HECTD4: variants seen among roughly 807,000 people sequenced by gnomAD.
The protein encoded by HECTD4 is HECT domain E3 ubiquitin protein ligase 4, also known as probable E3 ubiquitin-protein ligase HECTD4.
Under a neutral mutation model 471.5 loss-of-function variants are expected in HECTD4, and 114 were observed. The ratio of observed to expected loss-of-function variants is 0.24; its 90% CI spans 0.21 to 0.28. The LOEUF is 0.28. Ranked by LOEUF, HECTD4 falls within the 10% of genes least tolerant of loss-of-function variation. HECTD4 has a pLI of 1.00. For missense variants in HECTD4, 3,866 were observed against 5,651.5 expected, an observed-to-expected ratio of 0.68 and a Z score of 10.13; for synonymous variants, 2,012 against 2,256.0, an observed-to-expected ratio of 0.89 and a Z score of 3.07.
intron 1 of HECTD4, among the ~76,000 whole-genome samples, chr12:112,360,255 G>A (rs2036425279): frequency 6.6e-6 from 1 of 152,120 alleles, no homozygotes; most frequent in African/African-American, 2.4e-5. Flanking sequence ...GGAGTCTGGG[G>A]CTGCAGTGTG....
rs371389017 is a variant in HECTD4, at chr12:112,163,106, C to T, written c.13056G>A (p.Gly4352=). 3 of 1,613,962 alleles carry T rather than the reference C, an allele frequency of 1.9e-6. No individual in the cohort carries two copies. The East Asian group carries it at 6.7e-5, about 36-fold the overall frequency. The change falls in exon 75 of 76, where the codon GGG becomes GGA. Residue 4352 remains glycine (G), a synonymous_variant. Transcript: ENST00000682272. This position sits in a 1 kb window ranked among gnomAD's most constrained non-coding sequence, Gnocchi z 8.2. ...RIPFTCPCKD[G]GPDTAHVPPY... ...GGGGCACATGGGCAGTGTCGGGACC[C>T]CCATCTTTGCAGGGGCAGGTGAACG... is the stretch of plus-strand genomic sequence containing the variant.
chr12:112,165,561 C>T (rs2030914268), intron 72 of HECTD4, among the ~76,000 whole-genome samples: 1 of 152,028 alleles, frequency 6.6e-6, no homozygotes, highest in African/African-American at 2.4e-5. Context: ...CTGTGTTAGC[C>T]AGGATGGTCT....
chr12:112,260,144 G>A lies in HECTD4; in HGVS notation c.2874-879C>T, dbSNP rs139601242. Among the ~76,000 whole-genome samples, 798 of 151,934 alleles carry A rather than the reference G, an allele frequency of 5.3e-3. 5 individuals are homozygous for A. The highest frequency in any genetic ancestry group is 0.018 in the African/African-American group (748 of 41,408). ...CATTTTCCCCTTGCCCCCAGCCCCCGGCAACCACCATTCTACTTTCTGTCT... is the reference window on the plus strand; with the variant it reads ...CATTTTCCCCTTGCCCCCAGCCCCCAGCAACCACCATTCTACTTTCTGTCT... On this transcript the variant is annotated intron_variant, in intron 18 of 75. Coordinates refer to ENST00000682272, the MANE Select transcript of HECTD4 (RefSeq NM_001388303.1).
chr12:112,332,652 C>T lies in HECTD4; in HGVS notation c.178-12910G>A, dbSNP rs1041207331. On this transcript the variant is annotated intron_variant, in intron 1 of 75. Transcript: ENST00000682272. The stretch of plus-strand genomic sequence containing the variant: ...TAAGCAAGCTCCTTGGGTGACTTTA[C>T]GGACTCCTTTTATAAAAAATAATAT... 5.3e-5 allele frequency among the ~76,000 whole-genome samples: 8 copies of T among 151,400 alleles called. No individual in the cohort carries two copies. The East Asian group carries it at 7.8e-4, about 15-fold the overall frequency.
intron 48 of HECTD4, among the ~76,000 whole-genome samples, chr12:112,215,417 C>T (rs183873868): frequency 2.9e-3 from 438 of 152,242 alleles, no homozygotes; most frequent in South Asian, 7.9e-3. Context: ...TCGGCTGCTT[C>T]GAATGTCAGC....
rs771347176 is a variant in HECTD4, at chr12:112,246,955, C to A, written c.4459G>T (p.Ala1487Ser). Residue 1487 changes from alanine (A) to serine (S), a missense_variant, in exon 29 of 76, where the codon GCA becomes TCA. Transcript: ENST00000682272. ...RAELLLHVTI[A>S]AQSGLTRSIS... ...CTTCTCGTGAGGCCCGACTGGGCTG[C>A]GATGGTGACATGCAGCAACAGCTCG... 1 of 1,612,148 alleles carries A rather than the reference C, an allele frequency of 6.2e-7. No homozygotes were observed. The highest frequency in any genetic ancestry group is 1.1e-5 in the South Asian group (1 of 90,964).
chr12:112,287,756 A>C (rs984364493), intron 7 of HECTD4, among the ~76,000 whole-genome samples: 1 of 151,790 alleles, frequency 6.6e-6, no homozygotes, highest in African/African-American at 2.4e-5. Flanking sequence ...CCCACTCTCT[A>C]AAAAAAAGAA....
Position 112,210,223 on chromosome 12 carries a change from G to C in HECTD4, c.7659C>G (p.Ser2553=). The change falls in exon 50 of 76, where the codon TCC becomes TCG. Residue 2553 remains serine (S), a synonymous_variant. Transcript: ENST00000682272. Reference sequence around the variant, plus strand: ...GCCCTTCCGCGTAGGCAAACGGCCGGGAGCCAAAGTTAGCTCGGGTTTTGG... The same window carrying C: ...GCCCTTCCGCGTAGGCAAACGGCCGCGAGCCAAAGTTAGCTCGGGTTTTGG... The part of the protein sequence containing the change: ...KNTKTRANFG[S]RPFAYAEGQA... 6.2e-7 allele frequency: 1 copy of C among 1,613,954 alleles called. No individual in the cohort carries two copies. Among genetic ancestry groups the C allele is most frequent in the Non-Finnish European group, 8.5e-7 (1 of 1,179,820 alleles).
chr12:112,237,534 C>T (rs1012886052), intron 34 of HECTD4, among the ~76,000 whole-genome samples: 1 of 151,980 alleles, frequency 6.6e-6, no homozygotes, highest in African/African-American at 2.4e-5. Context: ...ACTTTCCATG[C>T]TCTTTTAGAT....
chr12:112,267,217 C>T, intron 13 of HECTD4: 2 of 494,024 alleles, frequency 4.0e-6, no homozygotes, highest in Non-Finnish European at 7.3e-6. Flanking sequence ...CGCGCTCGGT[C>T]GAAGAGGACG....
At chr12:112,363,025 C>G (rs1213441214) in intron 1 of HECTD4, among the ~76,000 whole-genome samples, 2 of 151,742 alleles carry the variant, frequency 1.3e-5, no homozygotes, top group Non-Finnish European at 2.9e-5. Flanking sequence ...TCTACATCTT[C>G]TAAATTTTCA....
At chr12:112,247,979 C>CAT (rs2033798411) in intron 27 of HECTD4, 88 bp downstream of exon 27, 2 of 331,180 alleles carry the variant, frequency 6.0e-6, no homozygotes, top group Non-Finnish European at 1.1e-5. Flanking sequence ...ATTTTACCTA[C>CAT]ACACACACAC....
intron 41 of HECTD4, 111 bp downstream of exon 41, chr12:112,229,587 G>C: frequency 8.9e-7 from 1 of 1,124,866 alleles, no homozygotes; most frequent in Non-Finnish European, 1.3e-6. Flanking sequence ...GAAGAAACAG[G>C]TTTTTTTGTA....
At chr12:112,324,045 CCTTT>C (rs71083202) in intron 1 of HECTD4, among the ~76,000 whole-genome samples, 190 of 13,916 alleles carry the variant, frequency 0.014, 12 homozygotes, top group Non-Finnish European at 0.019. Flanking sequence ...TTCCTTCCTT[CCTTT>C]CTTTCTTTCT....
intron 52 of HECTD4, 46 bp from the exon 53 acceptor site, chr12:112,204,669 A>G: frequency 6.7e-7 from 1 of 1,486,616 alleles, no homozygotes; most frequent in Non-Finnish European, 9.3e-7. Context: ...GAGTACACAC[A>G]GATCAACCAT....
intron 1 of HECTD4, among the ~76,000 whole-genome samples, chr12:112,343,643 A>G (rs565183844): frequency 6.6e-6 from 1 of 152,216 alleles, no homozygotes; most frequent in Admixed American, 6.5e-5. Context: ...TGATGGTACA[A>G]GCCTGTAGTC....
chr12:112,228,281 G>A lies in HECTD4; in HGVS notation c.6685-23C>T. On this transcript the variant is annotated intron_variant, in intron 42 of 75. Transcript: ENST00000682272. The surrounding 1 kb of genome is among the most constrained non-coding windows in gnomAD (Gnocchi z 4.9). ...TGCCTGATGGCGGTGGGGGGGCATG[G>A]CAAAAAGTTAAATTCAAGTAGTTAG... 1 of 1,540,598 alleles carries A rather than the reference G, an allele frequency of 6.5e-7. No homozygotes were observed. Among genetic ancestry groups the A allele is most frequent in the Non-Finnish European group, 8.7e-7 (1 of 1,147,154 alleles).
chr12:112,375,128 A>C (rs1164884988), intron 1 of HECTD4, among the ~76,000 whole-genome samples: 1 of 152,140 alleles, frequency 6.6e-6, no homozygotes, highest in African/African-American at 2.4e-5. Context: ...ATTAGTCTGC[A>C]TTTCTAGAAT....
chr12:112,366,689 T>C (rs543846163), intron 1 of HECTD4, among the ~76,000 whole-genome samples: 1 of 151,992 alleles, frequency 6.6e-6, no homozygotes, highest in Non-Finnish European at 1.5e-5. Context: ...GAGACCAGCC[T>C]GGCCAACATG....
Sources: gnomAD v4.1 joint callset for allele counts (sites outside exome capture counted in the v4.1 genomes callset) on GRCh38, gnomAD v4.1.1 for gene constraint, Gnocchi (gnomAD v3.1) non-coding constraint, MANE v1.5 for transcripts, NCBI Gene and HGNC (gene_info 2026-07-23, HGNC 2026-07-21) for gene names.